ATP10B: variants seen among roughly 807,000 people sequenced by gnomAD.
ATP10B encodes the protein phospholipid-transporting ATPase VB.
ATP10B carries 122 observed loss-of-function variants against 141.2 expected under a neutral mutation model. That is an observed-to-expected ratio of 0.86 (90% confidence interval 0.75 to 1.00). The LOEUF (loss-of-function observed/expected upper bound fraction) is 1.00. Ranked by LOEUF, ATP10B falls within the 50% of genes least tolerant of loss-of-function variation. The pLI is 0.00. For missense variants in ATP10B, 1,876 were observed against 1,825.3 expected, an observed-to-expected ratio of 1.03 and a Z score of -0.51; for synonymous variants, 685 against 692.0, an observed-to-expected ratio of 0.99 and a Z score of 0.16.
intron 2 of ATP10B, among the ~76,000 whole-genome samples, chr5:160,757,709 T>C (rs1768730873): frequency 6.6e-6 from 1 of 151,926 alleles, no homozygotes; most frequent in African/African-American, 2.4e-5. Flanking sequence ...ATATATATGG[T>C]GGAGGTGTTA....
intron 1 of ATP10B, among the ~76,000 whole-genome samples, chr5:160,834,490 C>A (rs1020922109): frequency 2.0e-5 from 3 of 152,042 alleles, no homozygotes; most frequent in Admixed American, 2.0e-4. Flanking sequence ...GTTGATTTTA[C>A]ATATATCATT....
intron 1 of ATP10B, among the ~76,000 whole-genome samples, chr5:160,820,575 A>G (rs953790773): frequency 6.6e-6 from 1 of 152,188 alleles, no homozygotes; most frequent in Admixed American, 6.6e-5. Flanking sequence ...AAAACCAGAC[A>G]AAGACACAGC....
chr5:160,870,753 A>G, the ATP10B span, among the ~76,000 whole-genome samples: 2 of 152,010 alleles, frequency 1.3e-5, no homozygotes, highest in African/African-American at 4.8e-5. Flanking sequence ...AAAAAACACA[A>G]AAAACAAAAC....
At chr5:160,832,041 G>A (rs1236515806) in intron 1 of ATP10B, among the ~76,000 whole-genome samples, 2 of 152,042 alleles carry the variant, frequency 1.3e-5, no homozygotes, top group Non-Finnish European at 2.9e-5. Context: ...CTGGTCTTAG[G>A]CCTTTGTTCA....
At chr5:160,918,250 G>A in the ATP10B span, among the ~76,000 whole-genome samples, 15 of 152,186 alleles carry the variant, frequency 9.9e-5, no homozygotes, top group Non-Finnish European at 1.9e-4. Flanking sequence ...TAGACCAAAT[G>A]AGTATACTGG....
intron 15 of ATP10B, among the ~76,000 whole-genome samples, chr5:160,619,341 T>A (rs953930915): frequency 2.0e-5 from 3 of 152,200 alleles, no homozygotes; most frequent in Admixed American, 2.0e-4. Flanking sequence ...TGACTTCTAT[T>A]GAAGGCATCT....
intron 24 of ATP10B, among the ~76,000 whole-genome samples, chr5:160,586,526 G>T (rs1229662575): frequency 6.6e-6 from 1 of 152,170 alleles, no homozygotes; most frequent in Non-Finnish European, 1.5e-5. Flanking sequence ...TGGTATTTCT[G>T]GTTCTAGATC....
At chr5:160,776,770 A>G (rs1449402826) in intron 2 of ATP10B, among the ~76,000 whole-genome samples, 1 of 152,222 alleles carries the variant, frequency 6.6e-6, no homozygotes, top group African/African-American at 2.4e-5. Context: ...GCTTATAACA[A>G]TATGTCCATA....
At chr5:160,585,429 C>T (rs1324683613) in intron 24 of ATP10B, among the ~76,000 whole-genome samples, 1 of 152,064 alleles carries the variant, frequency 6.6e-6, no homozygotes, top group African/African-American at 2.4e-5. Flanking sequence ...ATATTGAAAC[C>T]CTGTCTCTAC....
chr5:160,870,069 T>C, the ATP10B span, among the ~76,000 whole-genome samples: 2 of 152,010 alleles, frequency 1.3e-5, no homozygotes, highest in African/African-American at 4.8e-5. Flanking sequence ...CTAACTGAAT[T>C]AGGGGAAAGA....
chr5:160,802,749 AG>A (rs1238411656), intron 1 of ATP10B, among the ~76,000 whole-genome samples: 2 of 152,192 alleles, frequency 1.3e-5, no homozygotes, highest in Non-Finnish European at 2.9e-5. Flanking sequence ...ACTGTACATT[AG>A]GGGGCAGCTT....
chr5:160,637,753 G>T lies in ATP10B; in HGVS notation c.1001-1444C>A, dbSNP rs545181861. ...TTTAAAATGCTCTCAGCTCCAAGAA[G>T]TATAGAGAATAAAAGGCATAGAGGA... is the stretch of plus-strand genomic sequence containing the variant. On this transcript the variant is annotated intron_variant, in intron 10 of 25. Coordinates refer to ENST00000327245, the MANE Select transcript of ATP10B (RefSeq NM_025153.3). Among the ~76,000 whole-genome samples, 14 of 152,332 alleles carry T rather than the reference G, an allele frequency of 9.2e-5. No homozygotes were observed. The South Asian group carries it at 2.7e-3, about 29-fold the overall frequency.
At chr5:160,628,438 T>G (rs1758724805) in intron 13 of ATP10B, among the ~76,000 whole-genome samples, 1 of 152,066 alleles carries the variant, frequency 6.6e-6, no homozygotes, top group South Asian at 2.1e-4. Flanking sequence ...ACAGTGGGAG[T>G]GTGTGTATGT....
At chr5:160,709,945 A>C (rs1291373773) in intron 3 of ATP10B, among the ~76,000 whole-genome samples, 7 of 97,836 alleles carry the variant, frequency 7.2e-5, no homozygotes, top group Admixed American at 1.1e-4. Flanking sequence ...TGAACTCATC[A>C]TTTTTTATGG....
chr5:160,816,367 G>C lies in ATP10B; in HGVS notation c.-575-30564C>G, dbSNP rs969626254. The stretch of plus-strand genomic sequence containing the variant: ...TACAAACTACCATCAGAGAATACTA[G>C]AAACACCCCTATGCAAATACACTAG... On this transcript the variant is annotated intron_variant, in intron 1 of 25. Transcript: ENST00000327245. Among the ~76,000 whole-genome samples the C allele has an allele frequency of 7.2e-5, 11 of 152,068 alleles. No individual in the cohort carries two copies. The South Asian group carries it at 1.0e-3, about 14-fold the overall frequency.
intron 8 of ATP10B, 103 bp from the exon 9 acceptor site, chr5:160,644,347 TCCTC>T: frequency 1.3e-6 from 1 of 769,772 alleles, no homozygotes; most frequent in East Asian, 2.6e-5. Flanking sequence ...ATGATCCCTC[TCCTC>T]CCTGTTTTTT....
chr5:160,686,533 C>A (rs1013310428), intron 5 of ATP10B, among the ~76,000 whole-genome samples: 1 of 152,078 alleles, frequency 6.6e-6, no homozygotes, highest in East Asian at 1.9e-4. Flanking sequence ...ATCCATCACC[C>A]GAGCAGTATA....
chr5:160,634,225 G>T, intron 12 of ATP10B, 129 bp downstream of exon 12: 1 of 1,310,074 alleles, frequency 7.6e-7, no homozygotes, highest in Non-Finnish European at 1.1e-6. Flanking sequence ...AGGGATACAG[G>T]AAGCAACTTG....
intron 1 of ATP10B, among the ~76,000 whole-genome samples, chr5:160,820,411 CA>C (rs950837575): frequency 6.0e-5 from 9 of 150,974 alleles, no homozygotes; most frequent in African/African-American, 1.5e-4. Flanking sequence ...CAGAAAAAAA[CA>C]AAAAAAAGCC....
Sources: allele counts gnomAD v4.1 joint callset (sites outside exome capture counted in the v4.1 genomes callset), GRCh38; gene constraint gnomAD v4.1.1; transcripts MANE v1.5; gene names NCBI Gene and HGNC (gene_info 2026-07-23, HGNC 2026-07-21).